RBFOX1: variants seen among roughly 807,000 people sequenced by gnomAD.
The protein encoded by RBFOX1 is RNA binding fox-1 homolog 1.
Under a neutral mutation model 57.7 loss-of-function variants are expected in RBFOX1, and 8 were observed. That is an observed-to-expected ratio of 0.14 (90% CI 0.08 to 0.25). The LOEUF is 0.25. Among genes scored for constraint, RBFOX1 ranks in the 10% least tolerant of loss-of-function variants. The pLI is 1.00. For missense variants in RBFOX1, 611 were observed against 548.5 expected (o/e 1.11, Z -1.14); for synonymous variants, 326 against 222.4 (o/e 1.47, Z -4.15).
chr16:5,910,897 C>A (rs1212488822), intron 4 of RBFOX1, among the ~76,000 whole-genome samples: 1 of 152,190 alleles, frequency 6.6e-6, no homozygotes, highest in Non-Finnish European at 1.5e-5. Context: ...CACCCCACAT[C>A]CCTCATCCTC....
chr16:5,563,155 G>A (rs1159381815), intron 2 of RBFOX1, among the ~76,000 whole-genome samples: 4 of 152,142 alleles, frequency 2.6e-5, no homozygotes, highest in African/African-American at 9.7e-5. Flanking sequence ...CACCATGTTG[G>A]TCAGGCTGGT....
At chr16:5,495,663 G>C (rs1320218558) in intron 2 of RBFOX1, among the ~76,000 whole-genome samples, 1 of 152,210 alleles carries the variant, frequency 6.6e-6, no homozygotes, top group Non-Finnish European at 1.5e-5. Flanking sequence ...TAGGTCTCAG[G>C]CAGGACCTCA....
chr16:6,472,989 A>G lies in RBFOX1; in HGVS notation c.-64+155932A>G, dbSNP rs142856804. Reference sequence around the variant, plus strand: ...AGGAAGATAGCATGATCATATAGGGATATCTCCAGGTGAAACTCTTCCACC... The same window carrying G: ...AGGAAGATAGCATGATCATATAGGGGTATCTCCAGGTGAAACTCTTCCACC... On this transcript the variant is annotated intron_variant, in intron 2 of 15. Transcript: ENST00000550418. Among the ~76,000 whole-genome samples the G allele has an allele frequency of 1.6e-3, 242 of 152,214 alleles. 1 individual carries two copies. The Middle Eastern group carries it at 0.024, about 15-fold the overall frequency.
intron 3 of RBFOX1, among the ~76,000 whole-genome samples, chr16:6,934,478 T>A (rs1006653348): frequency 6.6e-6 from 1 of 152,192 alleles, no homozygotes; most frequent in African/African-American, 2.4e-5. Flanking sequence ...TCAACCTAAC[T>A]GTCCATCAGT....
chr16:7,624,376 G>T (rs2142196920), intron 10 of RBFOX1, among the ~76,000 whole-genome samples: 1 of 152,288 alleles, frequency 6.6e-6, no homozygotes, highest in Non-Finnish European at 1.5e-5. Context: ...TTATCTTAGT[G>T]AGCAGTGTGA....
chr16:7,178,048 G>T (rs914678946), intron 4 of RBFOX1, among the ~76,000 whole-genome samples: 2 of 152,208 alleles, frequency 1.3e-5, no homozygotes, highest in Non-Finnish European at 2.9e-5. Flanking sequence ...CACTTGTACT[G>T]TTGTACAGAT....
At chr16:5,331,788 C>G (rs1238465210) in intron 1 of RBFOX1, among the ~76,000 whole-genome samples, 1 of 152,258 alleles carries the variant, frequency 6.6e-6, no homozygotes, top group South Asian at 2.1e-4. Flanking sequence ...GTAGAAGTCA[C>G]TGATGAAAGA....
rs573926124 is a variant in RBFOX1, at chr16:7,233,305, C to T, written c.27+181207C>T. ...AAGTGAAAAGTCACCTCTTCAAAGA[C>T]CTTTTCTATTTAAAAGAATTATCCC... On this transcript the variant is annotated intron_variant, in intron 4 of 15. Coordinates refer to ENST00000550418, the MANE Select transcript of RBFOX1 (RefSeq NM_018723.4). 4.6e-5 allele frequency among the ~76,000 whole-genome samples: 7 copies of T among 152,010 alleles called. No homozygotes were observed. In the South Asian group the frequency reaches 1.0e-3, roughly 23 times the overall value.
At chr16:5,856,394 C>T (rs1282724862) in intron 3 of RBFOX1, among the ~76,000 whole-genome samples, 1 of 135,802 alleles carries the variant, frequency 7.4e-6, no homozygotes, top group Non-Finnish European at 1.6e-5. Flanking sequence ...CACATAAGAT[C>T]AACTTCTTCA....
chr16:6,816,322 G>T (rs1457297082), intron 3 of RBFOX1, among the ~76,000 whole-genome samples: 1 of 151,990 alleles, frequency 6.6e-6, no homozygotes, highest in Non-Finnish European at 1.5e-5. Context: ...CAATCATTCA[G>T]TCAACAATCA....
intron 2 of RBFOX1, among the ~76,000 whole-genome samples, chr16:6,328,405 A>ACCTGTTCC (rs2082624403): frequency 6.6e-6 from 1 of 152,068 alleles, no homozygotes. Flanking sequence ...ACAAAATGCC[A>ACCTGTTCC]CCTGTTCCCC....
At chr16:7,704,235 A>G (rs544738820) in intron 14 of RBFOX1, among the ~76,000 whole-genome samples, 2 of 152,338 alleles carry the variant, frequency 1.3e-5, no homozygotes, top group South Asian at 4.1e-4. Flanking sequence ...CTAAAGGTCA[A>G]AAAGATGAGG....
At chr16:6,266,363 C>T (rs1186311466) in intron 1 of RBFOX1, among the ~76,000 whole-genome samples, 1 of 152,174 alleles carries the variant, frequency 6.6e-6, no homozygotes, top group Non-Finnish European at 1.5e-5. Context: ...GAAGCCATTT[C>T]TTTGTAAAAC....
intron 1 of RBFOX1, among the ~76,000 whole-genome samples, chr16:5,386,820 G>A (rs192876849): frequency 3.0e-4 from 46 of 152,314 alleles, no homozygotes; most frequent in African/African-American, 9.4e-4. Context: ...GAAGGCCAAG[G>A]TGGGCGGATC....
At chr16:5,829,341 A>G (rs982818523) in intron 3 of RBFOX1, among the ~76,000 whole-genome samples, 2 of 152,210 alleles carry the variant, frequency 1.3e-5, no homozygotes, top group Admixed American at 6.5e-5. Context: ...TGCATTTTGA[A>G]AAGATCATCT....
chr16:7,075,489 T>G (rs2094055464), intron 4 of RBFOX1, among the ~76,000 whole-genome samples: 1 of 152,254 alleles, frequency 6.6e-6, no homozygotes, highest in Non-Finnish European at 1.5e-5. Context: ...ATCTAGATTT[T>G]TTTTGGCTTC....
intron 1 of RBFOX1, among the ~76,000 whole-genome samples, chr16:5,324,919 G>C (rs1393637639): frequency 6.6e-6 from 1 of 152,172 alleles, no homozygotes; most frequent in African/African-American, 2.4e-5. Context: ...CCCAGTCTTT[G>C]TCACAGGGAC....
At chr16:7,284,350 A>T (rs1041729931) in intron 4 of RBFOX1, among the ~76,000 whole-genome samples, 2 of 152,134 alleles carry the variant, frequency 1.3e-5, no homozygotes, top group African/African-American at 4.8e-5. Context: ...TTCATTTAAG[A>T]TATAGACTCC....
intron 4 of RBFOX1, among the ~76,000 whole-genome samples, chr16:5,966,940 A>G (rs1216561435): frequency 7.8e-6 from 1 of 128,812 alleles, no homozygotes; most frequent in Non-Finnish European, 1.6e-5. Flanking sequence ...TATTTTCTCC[A>G]GTCTAACACT....
Sources: allele counts gnomAD v4.1 joint callset (sites outside exome capture counted in the v4.1 genomes callset), GRCh38; gene constraint gnomAD v4.1.1; transcripts MANE v1.5; gene names NCBI Gene and HGNC (gene_info 2026-07-23, HGNC 2026-07-21).